The following SPEG variants were observed in gnomAD, a reference collection of about 807,000 sequenced individuals.
SPEG encodes striated muscle preferentially expressed protein kinase.
A neutral mutation model predicts 300.4 loss-of-function variants in SPEG; 114 were observed. That is an observed-to-expected ratio of 0.38 (90% CI 0.33 to 0.44). SPEG has a LOEUF of 0.44. Ranked by LOEUF, SPEG falls within the 20% of genes least tolerant of loss-of-function variation. The pLI is 1.00. For synonymous variants in SPEG, 1,964 were observed against 2,018.9 expected (o/e 0.97, Z 0.73); for missense variants, 4,201 against 4,586.2 (o/e 0.92, Z 2.43).
rs761912497 is a variant in SPEG, at chr2:219,484,062, G to A, written c.6599G>A (p.Ser2200Asn). 3 of 1,613,598 alleles carry A rather than the reference G, an allele frequency of 1.9e-6. No homozygotes were observed. The highest frequency in any genetic ancestry group is 1.7e-5 in the Admixed American group (1 of 60,006). ...KSAEPSATTP[S>N]DAPQPPAPQP... ...GCAGAACCTTCTGCCACCACACCTA[G>A]TGATGCTCCGCAGCCCCCCGCACCC... Residue 2200 changes from serine to asparagine, a missense_variant, in exon 30 of 41, where the codon AGT becomes AAT. Physicochemically the swap from Ser to Asn is conservative, Grantham distance 46. Transcript: ENST00000312358.
intron 1 of SPEG, among the ~76,000 whole-genome samples, chr2:219,440,551 ATTTAT>A (rs942878063): frequency 2.0e-4 from 29 of 145,346 alleles, no homozygotes; most frequent in East Asian, 6.0e-4. Flanking sequence ...CTGTCCCTGT[ATTTAT>A]TTTATTTTAT....
In SPEG at chr2:219,483,461, G is replaced by A. The variant is rs768617750; in HGVS notation, c.5998G>A (p.Ala2000Thr). ...EALPSPGQEP[A>T]AGASPRRGEL... ...CCTCCCCTCCCCAGGCCAGGAGCCC[G>A]CAGCTGGGGCTAGCCCCAGGCGGGG... The change falls in exon 30 of 41, where the codon GCA becomes ACA. Residue 2000 changes from alanine to threonine, a missense_variant. Ala to Thr is a moderately conservative substitution (Grantham distance 58). Around this residue, in one of 4 missense-constraint regions of SPEG, gnomAD observed 1,578 missense variants for 1,506.0 expected, o/e 1.05. Coordinates refer to ENST00000312358, the MANE Select transcript of SPEG (RefSeq NM_005876.5). 2 of 1,498,668 alleles carry A rather than the reference G, an allele frequency of 1.3e-6. No homozygotes were observed. Among genetic ancestry groups the A allele is most frequent in the Non-Finnish European group, 1.8e-6 (2 of 1,133,770 alleles). The allele number at this position is 1,498,668 out of a possible 1,614,324, so 92.8% of individuals were successfully genotyped here.
chr2:219,469,335 A>G lies in SPEG; in HGVS notation c.3671A>G (p.Asn1224Ser). The G allele has an allele frequency of 6.2e-7, 1 of 1,613,894 alleles. No homozygotes were observed. Among genetic ancestry groups the G allele is most frequent in the Non-Finnish European group, 8.5e-7 (1 of 1,179,954 alleles). Residue 1224 changes from asparagine (N) to serine (S), a missense_variant, in exon 13 of 41, where the codon AAT (asparagine) becomes AGT (serine). By Grantham distance (46) the Asn-to-Ser change is conservative. Coordinates refer to ENST00000312358, the MANE Select transcript of SPEG (RefSeq NM_005876.5). ...LPYPTISWFH[N>S]GHRIQSSDDR... is the part of the protein sequence containing the mutation. ...TACCCCACCATCAGCTGGTTCCACA[A>G]TGGCCACCGCATCCAGAGCAGCGAC...
At chr2:219,466,806 G>A (rs777190344) in intron 9 of SPEG, 429 of 1,032,570 alleles carry the variant, frequency 4.2e-4, no homozygotes, top group Non-Finnish European at 4.8e-4. Context: ...TGTAGTGAGC[G>A]TGGAGAAATT....
In SPEG at chr2:219,481,590, A is replaced by G. The variant is rs919350709; in HGVS notation, c.5523-48A>G. 1 of 1,609,442 alleles carries G rather than the reference A, an allele frequency of 6.2e-7. No individual in the cohort carries two copies. On this transcript the variant is annotated intron_variant, in intron 27 of 40. Coordinates refer to ENST00000312358, the MANE Select transcript of SPEG (RefSeq NM_005876.5). This position sits in a 1 kb window ranked among gnomAD's most constrained non-coding sequence, Gnocchi z 5.4. ...GCCCTGTTTGCTCAGTTATTGACTC[A>G]CTGATGACTGAACGATAAATCCCTT... is the stretch of plus-strand genomic sequence containing the variant.
Position 219,448,689 on chromosome 2 carries a change from G to A in SPEG, c.1531G>A (p.Val511Met). 1 of 1,494,248 alleles carries A rather than the reference G, an allele frequency of 6.7e-7. No homozygotes were observed. Among genetic ancestry groups the A allele is most frequent in the African/African-American group, 1.5e-5 (1 of 68,624 alleles). 92.6% of individuals were successfully genotyped at this position (1,494,248 alleles called of 1,614,324 possible). The change falls in exon 4 of 41, where the codon GTG becomes ATG. Residue 511 changes from valine to methionine, a missense_variant. Physicochemically the swap from Val to Met is conservative, Grantham distance 21. This residue lies in a region of SPEG where 1,258 missense variants were observed against 1,293.9 expected (regional missense o/e 0.97). Transcript: ENST00000312358. ...IRRSTSREELVRSHESLRATL... is the reference protein window; with the variant it reads ...IRRSTSREELMRSHESLRATL... ...CCGCTCCACGTCGCGGGAGGAGCTG[G>A]TGCGCTCGCACGAGTCCCTGCGCGC...
intron 1 of SPEG, chr2:219,442,126 G>A: frequency 8.6e-7 from 1 of 1,157,514 alleles, no homozygotes; most frequent in Non-Finnish European, 1.1e-6. Flanking sequence ...GGGGCAGGGA[G>A]GCCTGGGCGC....
At position 219,479,749 on chromosome 2, in the gene SPEG, TC is replaced by T; in HGVS notation, c.5086-29del. On this transcript the variant is annotated intron_variant, in intron 23 of 40. Coordinates refer to ENST00000312358, the MANE Select transcript of SPEG (RefSeq NM_005876.5). This position sits in a 1 kb window ranked among gnomAD's most constrained non-coding sequence, Gnocchi z 5.5. ...GAGGTGTTCAGACATACACCACCCT[TC>T]CCCCTCAGACTCTGGGCCCACTATT... is the stretch of plus-strand genomic sequence containing the variant. The T allele has an allele frequency of 6.2e-7, 1 of 1,604,758 alleles. No individual in the cohort carries two copies. The highest frequency in any genetic ancestry group is 1.7e-5 in the Admixed American group (1 of 59,968).
Position 219,492,749 on chromosome 2 carries a change from A to T in SPEG, c.9767A>T (p.His3256Leu). 1 of 1,601,734 alleles carries T rather than the reference A, an allele frequency of 6.2e-7. No homozygotes were observed. The highest frequency in any genetic ancestry group is 1.1e-5 in the South Asian group (1 of 90,764). The change falls in exon 41 of 41, where the codon CAC (histidine) becomes CTC (leucine). Residue 3256 changes from histidine (H) to leucine (L), a missense_variant. His to Leu is a moderately conservative substitution (Grantham distance 99). Transcript: ENST00000312358. ...CGCCGGGCTGAGGCTGCCACCCGCC[A>T]CAAGGTGCTGCTGCGCTCCTACCCT... The part of the protein sequence containing the change: ...RRRRAEAATR[H>L]KVLLRSYPGG...
Position 219,459,914 on chromosome 2 carries a change from G to A in SPEG, c.2441-1968G>A, listed in dbSNP as rs547280298. On this transcript the variant is annotated intron_variant, in intron 6 of 40. Coordinates refer to ENST00000312358, the MANE Select transcript of SPEG (RefSeq NM_005876.5). This position sits in a 1 kb window ranked among gnomAD's most constrained non-coding sequence, Gnocchi z 4.9. ...TGCTGGGAAACACAGGTCATGGCTT[G>A]GGAATGTGGCCCCGGGTTGCGGGGT... is the stretch of plus-strand genomic sequence containing the variant. 1.3e-5 allele frequency among the ~76,000 whole-genome samples: 2 copies of A among 152,242 alleles called. No homozygotes were observed. Among genetic ancestry groups the A allele is most frequent in the Non-Finnish European group, 2.9e-5 (2 of 68,034 alleles).
At chr2:219,460,559 G>C (rs532509602) in intron 6 of SPEG, 1 of 985,322 alleles carries the variant, frequency 1.0e-6, no homozygotes. Flanking sequence ...ACCGCAGAGC[G>C]GGCTTTGCTC....
rs1326859498 is a variant in SPEG at position 219,435,330 on chromosome 2, C to T, written c.353C>T (p.Ser118Phe). 1.9e-6 allele frequency: 3 copies of T among 1,538,586 alleles called. No homozygotes were observed. The highest frequency in any genetic ancestry group is 4.9e-5 in the East Asian group (2 of 40,992). Residue 118 changes from serine to phenylalanine, a missense_variant, in exon 1 of 41, where the codon TCC (serine) becomes TTC (phenylalanine). Around this residue, in one of 4 missense-constraint regions of SPEG, gnomAD observed 1,258 missense variants for 1,293.9 expected, o/e 0.97. Coordinates refer to ENST00000312358, the MANE Select transcript of SPEG (RefSeq NM_005876.5). ...CMAQNERGRA[S>F]CEAVLTVLEV... ...GCCCAGAACGAGCGGGGCCGGGCCT[C>T]CTGCGAGGCGGTGCTCACAGTGCTG...
chr2:219,440,726 C>G (rs1355735103), intron 1 of SPEG, among the ~76,000 whole-genome samples: 5 of 152,120 alleles, frequency 3.3e-5, no homozygotes, highest in South Asian at 2.1e-4. Context: ...ATTCTGGCTC[C>G]CTCAATTTAT....
At chr2:219,469,092 G>A (rs375221940) in intron 12 of SPEG, 44 bp downstream of exon 12, 1 of 1,608,238 alleles carries the variant, frequency 6.2e-7, no homozygotes, top group Non-Finnish European at 8.5e-7. Flanking sequence ...CCTGTGAGGG[G>A]CCAGCCCAGC....
In SPEG at chr2:219,435,158, C is replaced by A; in HGVS notation, c.181C>A (p.Arg61=). Residue 61 remains arginine (R), a synonymous_variant, in exon 1 of 41, where the codon CGG becomes AGG. Coordinates refer to ENST00000312358, the MANE Select transcript of SPEG (RefSeq NM_005876.5). ...GGCGGTGTGCGCGGGCAGCGACGTG[C>A]GGCTGCGGGTGGTGGTGAGCGGGAC... ...NAAVCAGSDV[R]LRVVVSGTPQ... is the part of the protein sequence containing the mutation. The A allele has an allele frequency of 6.8e-7, 1 of 1,468,970 alleles. No homozygotes were observed. 91.0% of individuals were successfully genotyped at this position (1,468,970 alleles called of 1,614,324 possible).
At chr2:219,467,032 G>A in intron 9 of SPEG, 142 bp from the exon 10 acceptor site, 3 of 1,190,830 alleles carry the variant, frequency 2.5e-6, no homozygotes, top group Admixed American at 2.9e-5. Context: ...CTGGCCAGGT[G>A]GGTGGGCTTT....
intron 14 of SPEG, 100 bp downstream of exon 14, chr2:219,472,087 C>G: frequency 6.5e-7 from 1 of 1,533,282 alleles, no homozygotes; most frequent in Non-Finnish European, 8.9e-7. Flanking sequence ...CCCTTCCCCT[C>G]CATCCCCTGG....
At chr2:219,449,751 T>C (rs1040338236) in intron 4 of SPEG, among the ~76,000 whole-genome samples, 1 of 152,156 alleles carries the variant, frequency 6.6e-6, no homozygotes, top group Non-Finnish European at 1.5e-5. Flanking sequence ...CTCTTTACTC[T>C]GCCTCTCCCA....
intron 6 of SPEG, among the ~76,000 whole-genome samples, chr2:219,456,038 G>C (rs1418029657): frequency 6.6e-6 from 1 of 152,214 alleles, no homozygotes; most frequent in Non-Finnish European, 1.5e-5. Flanking sequence ...GGTTTTCTTG[G>C]CTGTAAAGTG....
Sources: gnomAD v4.1 joint callset for allele counts (sites outside exome capture counted in the v4.1 genomes callset) on GRCh38, gnomAD v4.1.1 for gene constraint, gnomAD v4.1.1 regional missense constraint, Gnocchi (gnomAD v3.1) non-coding constraint, MANE v1.5 for transcripts, NCBI Gene and HGNC (gene_info 2026-07-23, HGNC 2026-07-21) for gene names.